Variants in PITRM1 observed in about 807,000 individuals in gnomAD.
PITRM1 encodes the protein pitrilysin metallopeptidase 1, also known as presequence protease, mitochondrial.
In PITRM1, 100 loss-of-function variants were observed where a neutral mutation model predicts 129.9. The ratio of observed to expected loss-of-function variants is 0.77; its 90% CI spans 0.65 to 0.91. The LOEUF is 0.91. Among genes scored for constraint, PITRM1 ranks in the 40% least tolerant of loss-of-function variants. The probability of loss-of-function intolerance (pLI) is 0.00; values close to 1 mark genes in which losing one functional copy is unlikely to be tolerated. For synonymous variants in PITRM1, 591 were observed against 508.8 expected (o/e 1.16, Z -2.17); for missense variants, 1,471 against 1,318.3 (o/e 1.12, Z -1.79).
intron 15 of PITRM1, among the ~76,000 whole-genome samples, chr10:3,151,003 G>A (rs912491392): frequency 9.9e-5 from 15 of 151,894 alleles, no homozygotes; most frequent in African/African-American, 3.4e-4. Context: ...AAATCAGAGC[G>A]CCCTATCAAA....
In PITRM1 at chr10:3,138,025, G is replaced by T; in HGVS notation, c.*6C>A. On this transcript the variant is annotated 3_prime_UTR_variant, in exon 27 of 27. Transcript: ENST00000224949. ...GGGCTCCTGTGCAGTCGAGCGCCAC[G>T]GCTGCTCATTGGATGATCCAGGATG... 6.3e-7 allele frequency: 1 copy of T among 1,574,984 alleles called. No homozygotes were observed. The highest frequency in any genetic ancestry group is 1.3e-5 in the African/African-American group (1 of 74,236).
Position 3,163,757 on chromosome 10 carries a change from A to C in PITRM1, c.759T>G (p.Phe253Leu). ...PELTWEQLKQ[F>L]HATHYHPSNA... ...TGCTTGGGTGATAGTGAGTGGCATG[A>C]AACTGCTTAAGCTGCTCCCATGTAA... The change falls in exon 7 of 27, where the codon TTT (phenylalanine) becomes TTG (leucine). Residue 253 changes from phenylalanine (F) to leucine (L), a missense_variant. Transcript: ENST00000224949. 1 of 1,612,386 alleles carries C rather than the reference A, an allele frequency of 6.2e-7. No homozygotes were observed. Among genetic ancestry groups the C allele is most frequent in the Non-Finnish European group, 8.5e-7 (1 of 1,179,302 alleles).
Position 3,149,612 on chromosome 10 carries a change from G to T in PITRM1, c.1871+9C>A, listed in dbSNP as rs371275128. ...AATAAGACACACAAGGGTATGTTGCGACTCGTACTTGGTGAGGACGCTGCA... is the reference window on the plus strand; with the variant it reads ...AATAAGACACACAAGGGTATGTTGCTACTCGTACTTGGTGAGGACGCTGCA... On this transcript the variant is annotated intron_variant, in intron 16 of 26. Coordinates refer to ENST00000224949, the MANE Select transcript of PITRM1 (RefSeq NM_014889.4). 1 of 1,545,518 alleles carries T rather than the reference G, an allele frequency of 6.5e-7. No individual in the cohort carries two copies. Among genetic ancestry groups the T allele is most frequent in the Non-Finnish European group, 8.7e-7 (1 of 1,149,568 alleles).
intron 15 of PITRM1, among the ~76,000 whole-genome samples, chr10:3,150,881 T>C (rs772150469): frequency 2.6e-5 from 4 of 152,028 alleles, no homozygotes; most frequent in Non-Finnish European, 5.9e-5. Context: ...TCCTCTATGC[T>C]GATGGCAGGG....
At chr10:3,148,429 G>T in intron 16 of PITRM1, 138 bp from the exon 17 acceptor site, 1 of 1,103,934 alleles carries the variant, frequency 9.1e-7, no homozygotes, top group South Asian at 1.6e-5. Flanking sequence ...CACTTCGAAG[G>T]TCATAAGCAG....
Position 3,157,060 on chromosome 10 carries a change from A to C in PITRM1, c.1352T>G (p.Ile451Arg). 1 of 1,605,030 alleles carries C rather than the reference A, an allele frequency of 6.2e-7. No homozygotes were observed. Among genetic ancestry groups the C allele is most frequent in the South Asian group, 1.1e-5 (1 of 88,990 alleles). The change falls in exon 13 of 27, where the codon ATA becomes AGA. Residue 451 changes from isoleucine (I) to arginine (R), a missense_variant. Transcript: ENST00000224949. The part of the protein sequence containing the change: ...TSFGLMLTSY[I>R]ASCWNHDGDP... ...CCCATCATGGTTCCAGCAAGAAGCT[A>C]TGTACTGGAAGGAAGATTTCCACAT...
Position 3,158,174 on chromosome 10 carries a change from T to C in PITRM1, c.1137-21A>G, listed in dbSNP as rs1041025899. The C allele has an allele frequency of 5.8e-6, 8 of 1,385,120 alleles. No individual in the cohort carries two copies. The Admixed American group carries it at 7.0e-5, about 12-fold the overall frequency. 85.8% of individuals were successfully genotyped at this position (1,385,120 alleles called of 1,614,324 possible). ...TATATCTAGAAGACAAAACCAGAAA[T>C]GATGCACTGGAATCCGGGCACGTTC... is the stretch of plus-strand genomic sequence containing the variant. On this transcript the variant is annotated intron_variant, in intron 10 of 26. Coordinates refer to ENST00000224949, the MANE Select transcript of PITRM1 (RefSeq NM_014889.4).
rs552853924 is a variant in PITRM1, at chr10:3,145,563, C to T, written c.2457+33G>A. On this transcript the variant is annotated intron_variant, in intron 21 of 26. Coordinates refer to ENST00000224949, the MANE Select transcript of PITRM1 (RefSeq NM_014889.4). ...GAGAGCTGCTCTGGCACCCACCAGG[C>T]GCTCACCGGGCGCCAGCACCACCAG... is the stretch of plus-strand genomic sequence containing the variant. The T allele has an allele frequency of 1.6e-5, 25 of 1,542,432 alleles. No individual in the cohort carries two copies. The African/African-American group carries it at 1.8e-4, about 11-fold the overall frequency.
rs750587354 is a variant in PITRM1, at chr10:3,149,724, G to A, written c.1768C>T (p.Gln590Ter). 1.2e-6 allele frequency: 2 copies of A among 1,612,190 alleles called. No homozygotes were observed. The highest frequency in any genetic ancestry group is 1.3e-5 in the African/African-American group (1 of 74,772). The change falls in exon 16 of 27, where the codon CAG becomes TAG. Residue 590 changes from glutamine (Q) to a stop codon, truncating the protein, a stop_gained. Coordinates refer to ENST00000224949, the MANE Select transcript of PITRM1 (RefSeq NM_014889.4). LOFTEE classifies it high-confidence loss of function. ...AAATACACCATGCCATTGGTGGGCTGGGCGCAGTACTGAACAGGGATATCT... is the reference window on the plus strand; with the variant it reads ...AAATACACCATGCCATTGGTGGGCTAGGCGCAGTACTGAACAGGGATATCT... Reference protein sequence around the residue: ...AGDIPVQYCAQPTNGMVYFRA... With the variant: ...AGDIPVQYCA
At position 3,144,459 on chromosome 10, in the gene PITRM1, A is replaced by G. The variant is rs1054272897; in HGVS notation, c.2458-93T>C. On this transcript the variant is annotated intron_variant, in intron 21 of 26. Transcript: ENST00000224949. The stretch of plus-strand genomic sequence containing the variant: ...AGAGTTTATAAAATTCACACAGCTA[A>G]TAACAAGTGTTAGGGCAGGTGTAAG... 1.9e-5 allele frequency: 14 copies of G among 738,970 alleles called. No individual in the cohort carries two copies. In the Admixed American group the frequency reaches 3.1e-4, roughly 16 times the overall value. 45.8% of individuals were successfully genotyped at this position (738,970 alleles called of 1,614,324 possible).
chr10:3,154,358 G>C (rs1415808950), intron 14 of PITRM1, among the ~76,000 whole-genome samples: 1 of 152,180 alleles, frequency 6.6e-6, no homozygotes, highest in East Asian at 1.9e-4. Context: ...CATGTTGGCT[G>C]GCACTGTGAG....
chr10:3,147,191 G>C lies in PITRM1; in HGVS notation c.2295C>G (p.Leu765=), dbSNP rs1295474354. Residue 765 remains leucine (L), a synonymous_variant, in exon 20 of 27, where the codon CTC becomes CTG. Coordinates refer to ENST00000224949, the MANE Select transcript of PITRM1 (RefSeq NM_014889.4). ...MTDIKPILRK[L]PRIKKHLLNG... Reference sequence around the variant, plus strand: ...TTAACAAGTGTTTCTTGATACGCGGGAGCTTCCTCAGGATGGGTTTGATAT... The same window carrying C: ...TTAACAAGTGTTTCTTGATACGCGGCAGCTTCCTCAGGATGGGTTTGATAT... The C allele has an allele frequency of 2.5e-6, 4 of 1,610,446 alleles. No individual in the cohort carries two copies. Among genetic ancestry groups the C allele is most frequent in the Non-Finnish European group, 3.4e-6 (4 of 1,176,892 alleles).
rs749429585 is a variant in PITRM1 at position 3,172,780 on chromosome 10, G to A, written c.-8C>T. The A allele has an allele frequency of 8.9e-5, 138 of 1,542,646 alleles. No homozygotes were observed. The highest frequency in any genetic ancestry group is 1.2e-4 in the Non-Finnish European group (133 of 1,144,494). ...CCCGCCGCAGCGCCACATTGCGCAT[G>A]ACGAGCACCTGGCTGGCGAGGAACC... On this transcript the variant is annotated 5_prime_UTR_variant, in exon 1 of 27. Coordinates refer to ENST00000224949, the MANE Select transcript of PITRM1 (RefSeq NM_014889.4).
chr10:3,167,275 AAGAG>A (rs201491690), intron 2 of PITRM1, among the ~76,000 whole-genome samples: 49 of 124,854 alleles, frequency 3.9e-4, no homozygotes, highest in African/African-American at 7.3e-4. Flanking sequence ...TGTGTATAGA[AAGAG>A]AGAGAGAGCG....
intron 23 of PITRM1, among the ~76,000 whole-genome samples, chr10:3,142,164 G>T (rs542128935): frequency 6.6e-6 from 1 of 152,254 alleles, no homozygotes; most frequent in South Asian, 2.1e-4. Context: ...CTCTTCTGCC[G>T]GCATAGCAGA....
chr10:3,151,122 G>A (rs1215042969), intron 15 of PITRM1, 125 bp downstream of exon 15: 2 of 690,334 alleles, frequency 2.9e-6, no homozygotes, highest in Non-Finnish European at 5.4e-6. Flanking sequence ...GACTATGAAC[G>A]CACAGGGCTG....
intron 2 of PITRM1, among the ~76,000 whole-genome samples, chr10:3,168,558 C>T (rs960902604): frequency 6.8e-5 from 10 of 147,432 alleles, no homozygotes; most frequent in African/African-American, 2.7e-4. Context: ...GTGGGAGGGA[C>T]CTGGTGGGAG....
chr10:3,165,128 T>C (rs1842749035), intron 6 of PITRM1, 110 bp downstream of exon 6: 2 of 822,756 alleles, frequency 2.4e-6, no homozygotes, highest in Admixed American at 6.1e-5. Flanking sequence ...TTCAAGAATG[T>C]ATCACCTATA....
chr10:3,170,529 A>G (rs1325922261), intron 1 of PITRM1, among the ~76,000 whole-genome samples: 2 of 152,224 alleles, frequency 1.3e-5, no homozygotes, highest in Non-Finnish European at 2.9e-5. Flanking sequence ...TCCTTCACAG[A>G]ATCCTCAAAA....
Sources: gnomAD v4.1 joint callset for allele counts (sites outside exome capture counted in the v4.1 genomes callset) on GRCh38, gnomAD v4.1.1 for gene constraint, MANE v1.5 for transcripts, NCBI Gene and HGNC (gene_info 2026-07-23, HGNC 2026-07-21) for gene names.